Variants in DIP2C observed in about 807,000 individuals in gnomAD.
DIP2C encodes disco-interacting protein 2 homolog C.
DIP2C carries 33 observed loss-of-function variants against 192.4 expected under a neutral mutation model. The ratio of observed to expected loss-of-function variants is 0.17; its 90% CI spans 0.13 to 0.23. DIP2C has a LOEUF of 0.23. Ranked by LOEUF, DIP2C falls within the 10% of genes least tolerant of loss-of-function variation. The pLI is 1.00. For synonymous variants in DIP2C, 979 were observed against 864.1 expected, an observed-to-expected ratio of 1.13 and a Z score of -2.33; for missense variants, 1,537 against 2,110.1, an observed-to-expected ratio of 0.73 and a Z score of 5.32.
Position 586,386 on chromosome 10 carries a change from G to A in DIP2C, c.86-99856C>T, listed in dbSNP as rs148645354. On this transcript the variant is annotated intron_variant, in intron 1 of 36. Coordinates refer to ENST00000280886, the MANE Select transcript of DIP2C (RefSeq NM_014974.3). ...AGCAGTTTTCCACCCCACCACAAGC[G>A]GCCTTGCTAGGGGCTTCCTCAGGGA... 3.3e-3 allele frequency among the ~76,000 whole-genome samples: 498 copies of A among 152,198 alleles called. 1 individual carries two copies. The highest frequency in any genetic ancestry group is 0.01 in the Middle Eastern group (3 of 294).
rs575423795 is a variant in DIP2C, at chr10:636,396, G to A, written c.85+53098C>T. Among the ~76,000 whole-genome samples, 11 of 152,214 alleles carry A rather than the reference G, an allele frequency of 7.2e-5. No homozygotes were observed. Among genetic ancestry groups the A allele is most frequent in the East Asian group, 1.9e-4 (1 of 5,174 alleles). ...GTGGAGTTCCGACAACTAACATTTCGGTAGATTTGCTTTCTCACTCTCTCT... is the reference window on the plus strand; with the variant it reads ...GTGGAGTTCCGACAACTAACATTTCAGTAGATTTGCTTTCTCACTCTCTCT... On this transcript the variant is annotated intron_variant, in intron 1 of 36. Coordinates refer to ENST00000280886, the MANE Select transcript of DIP2C (RefSeq NM_014974.3). This position sits in a 1 kb window ranked among gnomAD's most constrained non-coding sequence, Gnocchi z 4.6.
chr10:326,017 C>T (rs1226801434), intron 31 of DIP2C, among the ~76,000 whole-genome samples: 1 of 151,906 alleles, frequency 6.6e-6, no homozygotes, highest in Non-Finnish European at 1.5e-5. Flanking sequence ...CCCGTCTCCA[C>T]AAAAAATTTA....
intron 31 of DIP2C, among the ~76,000 whole-genome samples, chr10:311,143 C>T (rs925343120): frequency 2.6e-5 from 4 of 152,224 alleles, no homozygotes; most frequent in Non-Finnish European, 4.4e-5. Flanking sequence ...TCCCGGCGGA[C>T]GCTCCCAGTG....
At chr10:551,090 G>A (rs1022177519) in intron 1 of DIP2C, among the ~76,000 whole-genome samples, 25 of 152,188 alleles carry the variant, frequency 1.6e-4, no homozygotes, top group Non-Finnish European at 2.2e-4. Context: ...CGGCTTCCCC[G>A]GGCCTCGGTC....
intron 1 of DIP2C, among the ~76,000 whole-genome samples, chr10:568,564 G>A (rs540761918): frequency 2.6e-5 from 4 of 151,736 alleles, no homozygotes; most frequent in South Asian, 2.1e-4. Context: ...TCAGGAGATC[G>A]AGACCATCCT....
intron 9 of DIP2C, among the ~76,000 whole-genome samples, chr10:399,484 C>A (rs1205189471): frequency 6.6e-6 from 1 of 152,200 alleles, no homozygotes; most frequent in Non-Finnish European, 1.5e-5. Flanking sequence ...CATACCCACA[C>A]GTTTCCACAT....
chr10:387,690 G>A, intron 14 of DIP2C, 55 bp downstream of exon 14: 5 of 1,552,938 alleles, frequency 3.2e-6, no homozygotes, highest in Non-Finnish European at 3.6e-6. Flanking sequence ...TGGACAGGCA[G>A]GGCAGGGTGG....
intron 3 of DIP2C, among the ~76,000 whole-genome samples, chr10:450,306 C>CAA (rs1325809085): frequency 1.3e-5 from 2 of 152,192 alleles, no homozygotes; most frequent in African/African-American, 4.8e-5. Flanking sequence ...GGACCCGACA[C>CAA]AAGAGAGGTC....
At chr10:379,338 T>C (rs1962106601) in intron 17 of DIP2C, among the ~76,000 whole-genome samples, 1 of 151,378 alleles carries the variant, frequency 6.6e-6, no homozygotes, top group South Asian at 2.1e-4. Context: ...AGCGGGATAC[T>C]GGAGGTTCCA....
chr10:581,575 G>A (rs969098565), intron 1 of DIP2C, among the ~76,000 whole-genome samples: 6 of 152,204 alleles, frequency 3.9e-5, no homozygotes, highest in African/African-American at 1.4e-4. Context: ...ATGTATTTTT[G>A]GTAAAGTTAA....
intron 4 of DIP2C, 115 bp downstream of exon 4, chr10:440,756 A>G: frequency 6.9e-7 from 1 of 1,443,584 alleles, no homozygotes; most frequent in Non-Finnish European, 9.2e-7. Context: ...CTGGTTCACA[A>G]AATCTGCATT....
chr10:408,786 C>A, intron 9 of DIP2C, 140 bp downstream of exon 9: 1 of 692,824 alleles, frequency 1.4e-6, no homozygotes. Context: ...GTGTAACTTA[C>A]CAGGTAGCAG....
chr10:615,155 GAC>G (rs1447645281), intron 1 of DIP2C, among the ~76,000 whole-genome samples: 2 of 152,374 alleles, frequency 1.3e-5, no homozygotes, highest in African/African-American at 2.4e-5. Context: ...CTCGGAGAGA[GAC>G]ACAGGCTTCA....
intron 1 of DIP2C, among the ~76,000 whole-genome samples, chr10:605,088 G>A (rs1349821256): frequency 6.6e-6 from 1 of 152,232 alleles, no homozygotes; most frequent in Non-Finnish European, 1.5e-5. Context: ...AGCATCATGC[G>A]TGCCTGAGGT....
intron 36 of DIP2C, among the ~76,000 whole-genome samples, chr10:280,094 T>C (rs1331194110): frequency 6.6e-6 from 1 of 151,864 alleles, no homozygotes; most frequent in East Asian, 2.0e-4. Flanking sequence ...GAGAGAAGTG[T>C]CAAGGAAATC....
chr10:496,761 C>G (rs1486435813), intron 1 of DIP2C, among the ~76,000 whole-genome samples: 3 of 151,870 alleles, frequency 2.0e-5, no homozygotes, highest in Non-Finnish European at 1.5e-5. Flanking sequence ...TAAATCTCTA[C>G]ATTACTCGCA....
chr10:419,757 A>T (rs1462956987), intron 5 of DIP2C, among the ~76,000 whole-genome samples: 2 of 152,168 alleles, frequency 1.3e-5, no homozygotes, highest in Non-Finnish European at 2.9e-5. Context: ...GACATCAAGA[A>T]CTATTATTTT....
chr10:577,360 T>C (rs1850235752), intron 1 of DIP2C, among the ~76,000 whole-genome samples: 1 of 152,186 alleles, frequency 6.6e-6, no homozygotes, highest in South Asian at 2.1e-4. Context: ...AAGGCAAAAA[T>C]AAGCATGAGA....
intron 1 of DIP2C, among the ~76,000 whole-genome samples, chr10:616,377 T>C (rs1017585307): frequency 1.2e-4 from 19 of 152,236 alleles, no homozygotes; most frequent in African/African-American, 3.6e-4. Flanking sequence ...CAAGCAAGGA[T>C]TGTCTTCAGT....
Sources: allele counts gnomAD v4.1 joint callset (sites outside exome capture counted in the v4.1 genomes callset), GRCh38; gene constraint gnomAD v4.1.1; non-coding constraint Gnocchi (gnomAD v3.1); transcripts MANE v1.5; gene names NCBI Gene and HGNC (gene_info 2026-07-23, HGNC 2026-07-21).